PPFIA2: variants seen among roughly 807,000 people sequenced by gnomAD.
The protein encoded by PPFIA2 is PPFI scaffold protein A2.
A neutral mutation model predicts 175.5 loss-of-function variants in PPFIA2; 46 were observed. The ratio of observed to expected loss-of-function variants is 0.26; its 90% CI spans 0.21 to 0.34. The LOEUF (loss-of-function observed/expected upper bound fraction) is 0.34. Ranked by LOEUF, PPFIA2 falls within the 10% of genes least tolerant of loss-of-function variation. The pLI, the probability that PPFIA2 is intolerant of heterozygous loss-of-function variation, is 1.00. For missense variants in PPFIA2, 1,179 were observed against 1,506.1 expected (o/e 0.78, Z 3.60); for synonymous variants, 568 against 511.4 (o/e 1.11, Z -1.49).
intron 7 of PPFIA2, among the ~76,000 whole-genome samples, chr12:81,411,490 T>C (rs1442924201): frequency 2.0e-5 from 3 of 152,040 alleles, no homozygotes; most frequent in African/African-American, 7.2e-5. Context: ...CTCTGTCAGG[T>C]TGATTTTGGC....
At chr12:81,451,443 G>A (rs1249134056) in intron 5 of PPFIA2, among the ~76,000 whole-genome samples, 1 of 152,140 alleles carries the variant, frequency 6.6e-6, no homozygotes, top group African/African-American at 2.4e-5. Flanking sequence ...AGGGGTAGTG[G>A]CAGAGGCTGC....
intron 4 of PPFIA2, among the ~76,000 whole-genome samples, chr12:81,529,620 C>T (rs893418681): frequency 1.3e-5 from 2 of 149,984 alleles, no homozygotes; most frequent in African/African-American, 4.9e-5. Flanking sequence ...ACTAAAAATA[C>T]AAAGGCAAGC....
chr12:81,335,724 C>T (rs770937729), intron 21 of PPFIA2, among the ~76,000 whole-genome samples: 4 of 150,232 alleles, frequency 2.7e-5, no homozygotes, highest in African/African-American at 4.9e-5. Context: ...GCCTGGGTGA[C>T]AGAGTGAAAT....
chr12:81,677,532 T>C (rs1055354429), intron 3 of PPFIA2, among the ~76,000 whole-genome samples: 3 of 151,968 alleles, frequency 2.0e-5, no homozygotes, highest in Non-Finnish European at 1.5e-5. Context: ...GTAACCACCA[T>C]TCTATTCACT....
intron 7 of PPFIA2, among the ~76,000 whole-genome samples, chr12:81,432,169 T>C (rs1211522158): frequency 6.6e-6 from 1 of 152,192 alleles, no homozygotes; most frequent in Non-Finnish European, 1.5e-5. Flanking sequence ...ATAAAGTACA[T>C]TCACATTGTT....
chr12:81,313,990 T>C (rs1344027350), intron 22 of PPFIA2, among the ~76,000 whole-genome samples: 1 of 151,922 alleles, frequency 6.6e-6, no homozygotes, highest in Non-Finnish European at 1.5e-5. Context: ...CAAAAAGCAT[T>C]GCACAAATTT....
intron 4 of PPFIA2, among the ~76,000 whole-genome samples, chr12:81,539,151 G>A (rs533101838): frequency 1.3e-5 from 2 of 152,002 alleles, no homozygotes; most frequent in African/African-American, 2.4e-5. Context: ...AAGACTCTGC[G>A]GGGAGCAGTT....
chr12:81,361,050 G>T (rs541535677), intron 15 of PPFIA2, among the ~76,000 whole-genome samples: 40 of 151,532 alleles, frequency 2.6e-4, no homozygotes, highest in African/African-American at 8.7e-4. Context: ...CTTGGTCTAG[G>T]GTTCCTTCCA....
intron 21 of PPFIA2, among the ~76,000 whole-genome samples, chr12:81,335,253 T>C (rs1034887042): frequency 5.3e-5 from 8 of 151,982 alleles, no homozygotes; most frequent in African/African-American, 1.9e-4. Context: ...ATATCAGAGA[T>C]GCATTGCATA....
chr12:81,736,344 T>A (rs1396426645), intron 3 of PPFIA2, among the ~76,000 whole-genome samples: 1 of 152,044 alleles, frequency 6.6e-6, no homozygotes, highest in African/African-American at 2.4e-5. Context: ...TCATTTTTGA[T>A]CATTCTTCGA....
intron 4 of PPFIA2, among the ~76,000 whole-genome samples, chr12:81,567,718 A>C (rs2071625010): frequency 6.6e-6 from 1 of 152,200 alleles, no homozygotes; most frequent in Non-Finnish European, 1.5e-5. Context: ...AAGAAGCTTC[A>C]AATTTGGGAC....
At chr12:81,718,250 C>G (rs1461171799) in intron 3 of PPFIA2, among the ~76,000 whole-genome samples, 4 of 151,464 alleles carry the variant, frequency 2.6e-5, no homozygotes, top group Admixed American at 2.6e-4. Context: ...CATCAAGTGG[C>G]CAAGGAAGTC....
At chr12:81,718,112 C>T (rs1030632758) in intron 3 of PPFIA2, among the ~76,000 whole-genome samples, 8 of 151,674 alleles carry the variant, frequency 5.3e-5, no homozygotes, top group Admixed American at 1.3e-4. Flanking sequence ...CTAACATCAT[C>T]CACTACAGAA....
chr12:81,362,066 A>G (rs2141219315), intron 15 of PPFIA2, among the ~76,000 whole-genome samples: 1 of 151,408 alleles, frequency 6.6e-6, no homozygotes, highest in East Asian at 1.9e-4. Flanking sequence ...CTATCAAGTA[A>G]GCTGCCATCC....
At chr12:81,469,737 A>T (rs771019170) in intron 4 of PPFIA2, among the ~76,000 whole-genome samples, 1 of 152,236 alleles carries the variant, frequency 6.6e-6, no homozygotes, top group Non-Finnish European at 1.5e-5. Flanking sequence ...ATATGCTATG[A>T]CTGAATTGTG....
At chr12:81,329,522 CA>C (rs1218280939) in intron 21 of PPFIA2, among the ~76,000 whole-genome samples, 4 of 152,050 alleles carry the variant, frequency 2.6e-5, no homozygotes, top group South Asian at 4.2e-4. Context: ...TTTGAACCAC[CA>C]AAAAATCAGT....
At chr12:81,398,399 T>G (rs1285036968) in intron 8 of PPFIA2, among the ~76,000 whole-genome samples, 1 of 152,132 alleles carries the variant, frequency 6.6e-6, no homozygotes, top group Non-Finnish European at 1.5e-5. Flanking sequence ...GTTTAAGACT[T>G]TGCTTAAAGT....
At chr12:81,657,236 A>C (rs2067935624) in intron 4 of PPFIA2, among the ~76,000 whole-genome samples, 1 of 152,220 alleles carries the variant, frequency 6.6e-6, no homozygotes. Flanking sequence ...AGAGAGGGGA[A>C]AGGGAAGAAT....
chr12:81,421,421 G>A (rs1048391698), intron 7 of PPFIA2, among the ~76,000 whole-genome samples: 1 of 151,980 alleles, frequency 6.6e-6, no homozygotes, highest in South Asian at 2.1e-4. Context: ...GTAAAAGTGT[G>A]GAGGTTTTGT....
Sources: gnomAD v4.1 joint callset for allele counts (sites outside exome capture counted in the v4.1 genomes callset) on GRCh38, gnomAD v4.1.1 for gene constraint, MANE v1.5 for transcripts, NCBI Gene and HGNC (gene_info 2026-07-23, HGNC 2026-07-21) for gene names.